RHCE: variants seen among roughly 807,000 people sequenced by gnomAD.
RHCE encodes the protein blood group Rh(CE) polypeptide.
RHCE carries 22 observed loss-of-function variants against 43.8 expected under a neutral mutation model. The observed-to-expected ratio is 0.50, with a 90% CI of 0.36 to 0.72. The LOEUF (loss-of-function observed/expected upper bound fraction) is 0.72. RHCE is among the 30% of genes least tolerant of loss of function. RHCE has a pLI of 0.00. For missense variants in RHCE, 385 were observed against 525.4 expected (o/e 0.73, Z 2.61); for synonymous variants, 156 against 210.7 (o/e 0.74, Z 2.25).
intron 1 of RHCE, among the ~76,000 whole-genome samples, chr1:25,410,754 A>G (rs968427767): frequency 8.5e-5 from 13 of 152,200 alleles, no homozygotes; most frequent in African/African-American, 2.7e-4. Context: ...GAGTTCACAT[A>G]GCTCTGTTCG....
chr1:25,401,056 G>A lies in RHCE; in HGVS notation c.486+1540C>T, dbSNP rs184047926. Among the ~76,000 whole-genome samples the A allele has an allele frequency of 3.3e-3, 498 of 152,258 alleles. 11 individuals are homozygous for A. The highest frequency in any genetic ancestry group is 0.03 in the Admixed American group (464 of 15,300). ...CAGTCTTTTCTGAACCCAGAAGCCA[G>A]AGTATCTTAAAACATAAGTCAGATC... On this transcript the variant is annotated intron_variant, in intron 3 of 9. Coordinates refer to ENST00000294413, the MANE Select transcript of RHCE (RefSeq NM_020485.8).
chr1:25,385,829 C>T lies in RHCE; in HGVS notation c.955G>A (p.Val319Met), dbSNP rs1384349638. The T allele has an allele frequency of 1.9e-6, 3 of 1,614,062 alleles. No individual in the cohort carries two copies. Among genetic ancestry groups the T allele is most frequent in the South Asian group, 1.1e-5 (1 of 91,082 alleles). The change falls in exon 7 of 10, where the codon GTG becomes ATG. Residue 319 changes from valine (V) to methionine (M), a missense_variant. Coordinates refer to ENST00000294413, the MANE Select transcript of RHCE (RefSeq NM_020485.8). ...ACGGAGATGTGGTGAATCCCCAGCACTCGGTTACAACACACCTGTGGACAA... is the reference window on the plus strand; with the variant it reads ...ACGGAGATGTGGTGAATCCCCAGCATTCGGTTACAACACACCTGTGGACAA... ...AKCLPVCCNR[V>M]LGIHHISVMH...
chr1:25,379,455 A>G (rs1290057882), intron 7 of RHCE, among the ~76,000 whole-genome samples: 176 of 29,712 alleles, frequency 5.9e-3, no homozygotes, highest in African/African-American at 0.018. Context: ...ACCAAAGTAT[A>G]TATATATATA....
At chr1:25,379,481 ATATATATATATATAT>A (rs1557605238) in intron 7 of RHCE, among the ~76,000 whole-genome samples, 1 of 17,928 alleles carries the variant, frequency 5.6e-5, no homozygotes, top group Non-Finnish European at 9.6e-5. Flanking sequence ...ATATATATAT[ATATATATATATATAT>A]TTTTTTTTTT....
chr1:25,378,087 TTTAG>T (rs1211487342), intron 7 of RHCE, among the ~76,000 whole-genome samples: 9 of 152,232 alleles, frequency 5.9e-5, no homozygotes, highest in African/African-American at 1.9e-4. Flanking sequence ...AAGTGCTCCA[TTTAG>T]TTAGTTATTG....
chr1:25,385,243 A>C lies in RHCE; in HGVS notation c.1073+468T>G, dbSNP rs375752317. 2.7e-4 allele frequency among the ~76,000 whole-genome samples: 41 copies of C among 152,296 alleles called. No individual in the cohort carries two copies. In the East Asian group the frequency reaches 7.9e-3, roughly 29 times the overall value. On this transcript the variant is annotated intron_variant, in intron 7 of 9. Coordinates refer to ENST00000294413, the MANE Select transcript of RHCE (RefSeq NM_020485.8). ...GTTGTGCTTAGCATGTCCCTGCATT[A>C]GCTTATTAAATCCAGTAGCATCCCA...
chr1:25,422,777 C>T (rs182489734), upstream of RHCE, among the ~76,000 whole-genome samples: 39 of 152,202 alleles, frequency 2.6e-4, no homozygotes, highest in Non-Finnish European at 2.8e-4. Flanking sequence ...TTCCATGGAC[C>T]GGGGTGAGGT....
chr1:25,379,149 C>A (rs1645877097), intron 7 of RHCE, among the ~76,000 whole-genome samples: 1 of 151,862 alleles, frequency 6.6e-6, no homozygotes, highest in Admixed American at 6.6e-5. Context: ...CTGTTGAGGA[C>A]CTTCTTGCTG....
upstream of RHCE, among the ~76,000 whole-genome samples, chr1:25,424,539 T>C (rs572044951): frequency 1.7e-4 from 26 of 151,470 alleles, no homozygotes; most frequent in African/African-American, 6.3e-4. Context: ...AGGCACGCGA[T>C]ACCACACCTG....
rs1571907773 is a variant in RHCE, at chr1:25,408,901, G to C, written c.149-32C>G. On this transcript the variant is annotated intron_variant, in intron 1 of 9. Transcript: ENST00000294413. ...GGTGGGGAGATGGTGAGAAGGAGGA[G>C]GGGGAAGCAGACGAGATTTAGGGTG... 1.6e-6 allele frequency: 2 copies of C among 1,262,658 alleles called. 1 individual carries two copies. Among genetic ancestry groups the C allele is most frequent in the South Asian group, 3.8e-5 (2 of 53,038 alleles). The allele number at this position is 1,262,658 out of a possible 1,614,324, so 78.2% of individuals were successfully genotyped here.
intron 3 of RHCE, among the ~76,000 whole-genome samples, chr1:25,400,256 C>T (rs1190780026): frequency 5.9e-5 from 9 of 152,258 alleles, no homozygotes; most frequent in Non-Finnish European, 1.3e-4. Flanking sequence ...GCTCTTGAAT[C>T]AGTCAAGCCA....
intron 1 of RHCE, among the ~76,000 whole-genome samples, chr1:25,415,471 G>A (rs1647324451): frequency 6.6e-6 from 1 of 152,162 alleles, no homozygotes; most frequent in South Asian, 2.1e-4. Context: ...TGACCAACAT[G>A]GAGAAACCCC....
At chr1:25,422,528 T>G, upstream of RHCE, among the ~76,000 whole-genome samples, 1 of 152,270 alleles carries the variant, frequency 6.6e-6, no homozygotes, top group Non-Finnish European at 1.5e-5. Flanking sequence ...TTTACATATA[T>G]GAACTTAGTT....
At chr1:25,382,482 AGAG>A (rs1646030605) in intron 7 of RHCE, among the ~76,000 whole-genome samples, 1 of 148,342 alleles carries the variant, frequency 6.7e-6, no homozygotes, top group Non-Finnish European at 1.5e-5. Context: ...GTGGCAGAAT[AGAG>A]GATAAACCCA....
intron 1 of RHCE, chr1:25,411,343 C>T: frequency 6.4e-7 from 1 of 1,550,516 alleles, no homozygotes; most frequent in Non-Finnish European, 8.7e-7. Flanking sequence ...AACTCACCTG[C>T]CACTGGTCTC....
rs978693598 is a variant in RHCE at position 25,368,893 on chromosome 1, C to T, written c.1227+1574G>A. The stretch of plus-strand genomic sequence containing the variant: ...CTCCTGCCTCAGCCTCCCGAGTAGC[C>T]GGGATTACAGGCAGCTGCCACCACG... On this transcript the variant is annotated intron_variant, in intron 9 of 9. Coordinates refer to ENST00000294413, the MANE Select transcript of RHCE (RefSeq NM_020485.8). Among the ~76,000 whole-genome samples, 3 of 151,630 alleles carry T rather than the reference C, an allele frequency of 2.0e-5. No individual in the cohort carries two copies. The South Asian group carries it at 6.2e-4, about 31-fold the overall frequency.
At chr1:25,425,087 G>C (rs142216060), upstream of RHCE, among the ~76,000 whole-genome samples, 107 of 152,280 alleles carry the variant, frequency 7.0e-4, no homozygotes, top group African/African-American at 2.5e-3. Context: ...AAAGTACTGG[G>C]ATTACAGGCG....
At chr1:25,376,574 A>C (rs1358355641) in intron 7 of RHCE, among the ~76,000 whole-genome samples, 1 of 152,188 alleles carries the variant, frequency 6.6e-6, no homozygotes, top group Non-Finnish European at 1.5e-5. Context: ...ACCTCATAAG[A>C]TCATAGGAGA....
At chr1:25,407,722 T>C (rs1418501291) in intron 2 of RHCE, among the ~76,000 whole-genome samples, 1 of 123,732 alleles carries the variant, frequency 8.1e-6, no homozygotes, top group Admixed American at 8.7e-5. Flanking sequence ...CCTTTTAAAA[T>C]GTGTATAGCT....
Sources: gnomAD v4.1 joint callset for allele counts (sites outside exome capture counted in the v4.1 genomes callset) on GRCh38, gnomAD v4.1.1 for gene constraint, MANE v1.5 for transcripts, NCBI Gene and HGNC (gene_info 2026-07-23, HGNC 2026-07-21) for gene names.